The following SMG7 variants were observed in gnomAD, a reference collection of about 807,000 sequenced individuals.
SMG7 encodes SMG7 nonsense mediated mRNA decay factor.
A neutral mutation model predicts 148.2 loss-of-function variants in SMG7; 34 were observed. The observed-to-expected ratio is 0.23, with a 90% CI of 0.17 to 0.31. The LOEUF (loss-of-function observed/expected upper bound fraction) is 0.31, where lower values mean the gene tolerates loss of function less well. SMG7 is among the 10% of genes least tolerant of loss of function. SMG7 has a pLI of 1.00. For synonymous variants in SMG7, 492 were observed against 515.1 expected (o/e 0.96, Z 0.61); for missense variants, 1,114 against 1,408.4 (o/e 0.79, Z 3.35).
At chr1:183,534,740 G>A (rs1667439770) in intron 10 of SMG7, among the ~76,000 whole-genome samples, 1 of 151,988 alleles carries the variant, frequency 6.6e-6, no homozygotes, top group Admixed American at 6.6e-5. Flanking sequence ...TGTGGCATAT[G>A]CCTGTAATCC....
At chr1:183,539,218 A>G (rs894967674) in intron 12 of SMG7, among the ~76,000 whole-genome samples, 4 of 151,992 alleles carry the variant, frequency 2.6e-5, no homozygotes, top group African/African-American at 9.7e-5. Context: ...TTTTCAGCCT[A>G]CTGTGGTTTA....
At chr1:183,524,967 A>G (rs944622035) in intron 4 of SMG7, among the ~76,000 whole-genome samples, 6 of 152,066 alleles carry the variant, frequency 3.9e-5, no homozygotes, top group African/African-American at 1.2e-4. Context: ...CTACAAGCTC[A>G]TGAAGGAAAC....
chr1:183,489,006 C>G (rs781193726), intron 1 of SMG7, among the ~76,000 whole-genome samples: 1 of 151,866 alleles, frequency 6.6e-6, no homozygotes, highest in Non-Finnish European at 1.5e-5. Flanking sequence ...CTTTTTAACC[C>G]TAATTATTTT....
intron 1 of SMG7, chr1:183,502,335 C>G (rs2102324730): frequency 1.3e-6 from 2 of 1,534,282 alleles, no homozygotes; most frequent in East Asian, 4.9e-5. Flanking sequence ...CATTTAAGTC[C>G]CAGATGAGGA....
chr1:183,549,410 T>C (rs1670562673), intron 19 of SMG7, 122 bp downstream of exon 19: 2 of 723,998 alleles, frequency 2.8e-6, no homozygotes, highest in Non-Finnish European at 4.6e-6. Flanking sequence ...ATTCCAGATA[T>C]TTGATTTTAT....
chr1:183,494,740 TTAGC>T (rs1414852629), intron 1 of SMG7, among the ~76,000 whole-genome samples: 1 of 149,258 alleles, frequency 6.7e-6, no homozygotes, highest in Non-Finnish European at 1.5e-5. Context: ...TGATAAGAAC[TTAGC>T]TAGCCCTTGT....
chr1:183,493,501 T>C (rs1165987391), intron 1 of SMG7, among the ~76,000 whole-genome samples: 1 of 152,234 alleles, frequency 6.6e-6, no homozygotes, highest in African/African-American at 2.4e-5. Flanking sequence ...TGTATTCTTT[T>C]GTTGGGTAAA....
chr1:183,550,822 C>T lies in SMG7; in HGVS notation c.3205C>T (p.His1069Tyr), dbSNP rs1670895386. 1 of 1,614,140 alleles carries T rather than the reference C, an allele frequency of 6.2e-7. No homozygotes were observed. Among genetic ancestry groups the T allele is most frequent in the Non-Finnish European group, 8.5e-7 (1 of 1,179,980 alleles). Residue 1069 changes from histidine (H) to tyrosine (Y), a missense_variant, in exon 21 of 23, where the codon CAC becomes TAC. Coordinates refer to ENST00000688051, the MANE Select transcript of SMG7 (RefSeq NM_001375584.1). ...PSSLPSSPPT[H>Y]NHNSVPFSNF... ...CAGCCTACCCAGCTCTCCTCCAACACACAACCATAATTCTGTTCCATTCTC... is the reference window on the plus strand; with the variant it reads ...CAGCCTACCCAGCTCTCCTCCAACATACAACCATAATTCTGTTCCATTCTC...
At chr1:183,484,187 C>T (rs995656432) in intron 1 of SMG7, among the ~76,000 whole-genome samples, 6 of 152,076 alleles carry the variant, frequency 3.9e-5, no homozygotes, top group Non-Finnish European at 8.8e-5. Context: ...ATACCAAAAT[C>T]TGTAGGTGCT....
Position 183,542,509 on chromosome 1 carries a change from T to C in SMG7, c.1842+7T>C. On this transcript the variant is annotated splice_region_variant and intron_variant, in intron 14 of 22. Transcript: ENST00000688051. ...GCAGAATGTGGCAGTGCAGGTAAGCTGTATTTGAACTATAAAGCAGGTAGA... is the reference window on the plus strand; with the variant it reads ...GCAGAATGTGGCAGTGCAGGTAAGCCGTATTTGAACTATAAAGCAGGTAGA... 1 of 1,608,492 alleles carries C rather than the reference T, an allele frequency of 6.2e-7. No individual in the cohort carries two copies.
Position 183,487,117 on chromosome 1 carries a change from A to G in SMG7, c.29+14468A>G, listed in dbSNP as rs939997452. Among the ~76,000 whole-genome samples the G allele has an allele frequency of 6.6e-5, 10 of 152,306 alleles. No homozygotes were observed. In the South Asian group the frequency reaches 1.2e-3, roughly 19 times the overall value. On this transcript the variant is annotated intron_variant, in intron 1 of 22. Coordinates refer to ENST00000688051, the MANE Select transcript of SMG7 (RefSeq NM_001375584.1). ...AAATTACTACCACCATGGTGGGGTT[A>G]AAACACACAACAGTTCTGGAGGTCA... is the stretch of plus-strand genomic sequence containing the variant.
At chr1:183,512,173 G>C (rs1487233037) in intron 1 of SMG7, among the ~76,000 whole-genome samples, 3 of 152,126 alleles carry the variant, frequency 2.0e-5, no homozygotes, top group Non-Finnish European at 2.9e-5. Context: ...AATGAAGTGA[G>C]GGAAGTCTCA....
At chr1:183,486,645 G>A (rs1187567564) in intron 1 of SMG7, among the ~76,000 whole-genome samples, 2 of 151,828 alleles carry the variant, frequency 1.3e-5, no homozygotes, top group African/African-American at 2.4e-5. Context: ...TCCTGACCTC[G>A]TGATCCACCT....
chr1:183,549,360 C>A, intron 19 of SMG7, 72 bp downstream of exon 19: 1 of 1,078,236 alleles, frequency 9.3e-7, no homozygotes, highest in South Asian at 1.3e-5. Flanking sequence ...CATACTGTTT[C>A]AGTATGTCTG....
At chr1:183,501,890 A>C (rs148638445) in intron 1 of SMG7, among the ~76,000 whole-genome samples, 1 of 152,094 alleles carries the variant, frequency 6.6e-6, no homozygotes, top group Non-Finnish European at 1.5e-5. Flanking sequence ...TTTGTTTTAC[A>C]TATTTTTTCT....
intron 18 of SMG7, 77 bp downstream of exon 18, chr1:183,547,329 G>C: frequency 3.0e-6 from 4 of 1,313,286 alleles, no homozygotes; most frequent in Non-Finnish European, 4.1e-6. Context: ...CACAGATTAG[G>C]TGATTTCTTC....
intron 2 of SMG7, among the ~76,000 whole-genome samples, chr1:183,514,450 A>G (rs1437433425): frequency 6.6e-6 from 1 of 152,226 alleles, no homozygotes; most frequent in Non-Finnish European, 1.5e-5. Context: ...CAGATTTGTC[A>G]TCATCTATAT....
intron 1 of SMG7, among the ~76,000 whole-genome samples, chr1:183,506,261 G>A (rs1250231076): frequency 6.6e-6 from 1 of 152,158 alleles, no homozygotes; most frequent in Admixed American, 6.5e-5. Flanking sequence ...ATAGAGTATT[G>A]TAGTGTTGGG....
At chr1:183,517,198 A>G (rs951322850) in intron 3 of SMG7, among the ~76,000 whole-genome samples, 2 of 152,246 alleles carry the variant, frequency 1.3e-5, no homozygotes, top group African/African-American at 2.4e-5. Flanking sequence ...AATAAACAAA[A>G]CTATTAAATA....
Sources: gnomAD v4.1 joint callset for allele counts (sites outside exome capture counted in the v4.1 genomes callset) on GRCh38, gnomAD v4.1.1 for gene constraint, MANE v1.5 for transcripts, NCBI Gene and HGNC (gene_info 2026-07-23, HGNC 2026-07-21) for gene names.